Variants in ZNF880 observed in about 807,000 individuals in gnomAD.
ZNF880 encodes zinc finger protein 880, also known as zinc finger protein LOC400713.
In ZNF880, 12 loss-of-function variants were observed where a neutral mutation model predicts 11.8. The observed-to-expected ratio is 1.02, with a 90% CI of 0.65 to 1.65. The LOEUF (loss-of-function observed/expected upper bound fraction) is 1.65, where lower values mean the gene tolerates loss of function less well. Among genes scored for constraint, ZNF880 ranks in the 40% most tolerant of loss-of-function variants. The pLI is 0.00. For synonymous variants in ZNF880, 210 were observed against 232.4 expected (o/e 0.90, Z 0.88); for missense variants, 601 against 673.9 (o/e 0.89, Z 1.20).
chr19:52,380,195 T>A (rs1482533352), intron 3 of ZNF880: 1 of 152,222 alleles, frequency 6.6e-6, no homozygotes, highest in African/African-American at 2.4e-5. Flanking sequence ...CCACCGTACC[T>A]GGCCCATACT....
chr19:52,388,926 AAC>A (rs1408190906), downstream of ZNF880: 27 of 152,224 alleles, frequency 1.8e-4, no homozygotes, highest in Admixed American at 7.9e-4. Context: ...AGGAGGAGCA[AAC>A]ACATGTCTTA....
At chr19:52,374,017 T>A (rs942473058) in intron 2 of ZNF880, among the ~76,000 whole-genome samples, 1 of 151,984 alleles carries the variant, frequency 6.6e-6, no homozygotes, top group Non-Finnish European at 1.5e-5. Context: ...TACCTAGACA[T>A]GGGGCTTGCA....
At chr19:52,372,784 C>T (rs1986419079) in intron 1 of ZNF880, among the ~76,000 whole-genome samples, 1 of 149,950 alleles carries the variant, frequency 6.7e-6, no homozygotes, top group Non-Finnish European at 1.5e-5. Flanking sequence ...GTGGCGGGCG[C>T]CTGTAGTCCC....
intron 1 of ZNF880, among the ~76,000 whole-genome samples, chr19:52,371,288 T>C (rs1986363120): frequency 6.6e-6 from 1 of 152,190 alleles, no homozygotes; most frequent in East Asian, 1.9e-4. Context: ...TTATTTTAAC[T>C]ATACTCAGTT....
At chr19:52,376,360 C>T (rs958141615) in intron 3 of ZNF880, among the ~76,000 whole-genome samples, 3 of 152,040 alleles carry the variant, frequency 2.0e-5, no homozygotes, top group African/African-American at 7.2e-5. Context: ...GCCATTCTTG[C>T]AGGAGTAAGA....
chr19:52,395,859 T>C, the ZNF880 span: 1 of 152,248 alleles, frequency 6.6e-6, no homozygotes, highest in African/African-American at 2.4e-5. Context: ...TCTATATTCA[T>C]TCTTGGGAAC....
chr19:52,376,527 T>TTTTTTTTTTTTGGTATTTTTAGTA, intron 3 of ZNF880, among the ~76,000 whole-genome samples: 1 of 138,594 alleles, frequency 7.2e-6, no homozygotes, highest in Non-Finnish European at 1.5e-5. Flanking sequence ...TTTTTTTTTT[T>TTTTTTTTTTTTGGTATTTTTAGTA]GAGACAGCGT....
chr19:52,378,495 A>G (rs1023608165), intron 3 of ZNF880, among the ~76,000 whole-genome samples: 3 of 151,948 alleles, frequency 2.0e-5, no homozygotes, highest in Non-Finnish European at 4.4e-5. Flanking sequence ...ATATAAAAAA[A>G]AATTAGCTGG....
At chr19:52,378,244 T>G (rs1313044794) in intron 3 of ZNF880, among the ~76,000 whole-genome samples, 1 of 152,198 alleles carries the variant, frequency 6.6e-6, no homozygotes, top group Admixed American at 6.5e-5. Context: ...ACAAGGTTCC[T>G]CAGCCATTCT....
At chr19:52,369,286 C>G (rs1986269093), upstream of ZNF880, among the ~76,000 whole-genome samples, 1 of 147,094 alleles carries the variant, frequency 6.8e-6, no homozygotes, top group Non-Finnish European at 1.5e-5. Context: ...CGCTTGAACC[C>G]AGGCGGCGGA....
chr19:52,376,667 GC>G (rs1986567765), intron 3 of ZNF880, among the ~76,000 whole-genome samples: 1 of 151,754 alleles, frequency 6.6e-6, no homozygotes, highest in Non-Finnish European at 1.5e-5. Context: ...CCACTGCCAA[GC>G]CCAGCTAATT....
chr19:52,381,015 C>T (rs1986692750), intron 3 of ZNF880, among the ~76,000 whole-genome samples: 1 of 152,112 alleles, frequency 6.6e-6, no homozygotes. Context: ...CTGGTTCTAT[C>T]CATTTTCAAA....
At chr19:52,389,544 C>T (rs927895302), downstream of ZNF880, 1 of 152,246 alleles carries the variant, frequency 6.6e-6, no homozygotes, top group African/African-American at 2.4e-5. Context: ...CCCATGTCTG[C>T]CCCTGTGACT....
At chr19:52,393,870 T>G in the ZNF880 span, among the ~76,000 whole-genome samples, 7 of 127,044 alleles carry the variant, frequency 5.5e-5, no homozygotes, top group Non-Finnish European at 1.1e-4. Flanking sequence ...GGAGTCTTGC[T>G]CTGTCGCCCA....
chr19:52,373,462 C>T (rs978830284), intron 2 of ZNF880, among the ~76,000 whole-genome samples: 2 of 152,112 alleles, frequency 1.3e-5, no homozygotes, highest in Admixed American at 1.3e-4. Flanking sequence ...CTTCAGAATT[C>T]TGGCCCCTTT....
chr19:52,376,512 T>TA, intron 3 of ZNF880, among the ~76,000 whole-genome samples: 1 of 127,546 alleles, frequency 7.8e-6, no homozygotes. Flanking sequence ...CCCCCCCCTT[T>TA]TTTTTTTTTT....
At chr19:52,375,925 G>C (rs898972361) in intron 3 of ZNF880, among the ~76,000 whole-genome samples, 1 of 152,106 alleles carries the variant, frequency 6.6e-6, no homozygotes, top group Admixed American at 6.6e-5. Context: ...CTTCCCACCT[G>C]GCCTGCCTAA....
Position 52,373,232 on chromosome 19 carries a change from T to A in ZNF880, c.134T>A (p.Phe45Tyr). 10 of 1,611,858 alleles carry A rather than the reference T, an allele frequency of 6.2e-6. No homozygotes were observed. The highest frequency in any genetic ancestry group is 8.5e-6 in the Non-Finnish European group (10 of 1,178,864). The change falls in exon 2 of 4, where the codon TTT becomes TAT. Residue 45 changes from phenylalanine to tyrosine, a missense_variant. Transcript: ENST00000422689. ...VMVENYRNLV[F>Y]LGICLPDLSV... is the part of the protein sequence containing the mutation. ...GTGGAGAACTACAGGAACCTGGTCT[T>A]TCTGGGTGAGGATAATGTCCCTTCA...
chr19:52,393,888 G>A, the ZNF880 span, among the ~76,000 whole-genome samples: 2 of 140,304 alleles, frequency 1.4e-5, no homozygotes, highest in Non-Finnish European at 3.0e-5. Context: ...CCAGGCTGGA[G>A]TGCAGTGGCG....
Sources: gnomAD v4.1 joint callset for allele counts (sites outside exome capture counted in the v4.1 genomes callset) on GRCh38, gnomAD v4.1.1 for gene constraint, MANE v1.5 for transcripts, NCBI Gene and HGNC (gene_info 2026-07-23, HGNC 2026-07-21) for gene names.